ARHGAP6: variants seen among roughly 807,000 people sequenced by gnomAD.
ARHGAP6 encodes the protein rho GTPase-activating protein 6.
In ARHGAP6, 16 loss-of-function variants were observed where a neutral mutation model predicts 55.7. The ratio of observed to expected loss-of-function variants is 0.29; its 90% confidence interval spans 0.19 to 0.44. ARHGAP6 has a LOEUF of 0.44. ARHGAP6 is among the 20% of genes least tolerant of loss of function. The probability of loss-of-function intolerance (pLI) is 1.00; values close to 1 mark genes in which losing one functional copy is unlikely to be tolerated. For synonymous variants in ARHGAP6, 382 were observed against 360.9 expected, an observed-to-expected ratio of 1.06 and a Z score of -0.66; for missense variants, 698 against 808.9, an observed-to-expected ratio of 0.86 and a Z score of 1.66.
intron 1 of ARHGAP6, among the ~76,000 whole-genome samples, chrX:11,548,004 C>T (rs1029771738): frequency 6.3e-5 from 7 of 110,583 alleles, no homozygotes; most frequent in African/African-American, 2.3e-4. Context: ...CCACTCTGGG[C>T]TGCATGCTAG....
At chrX:11,408,253 C>T (rs1023074794) in intron 1 of ARHGAP6, among the ~76,000 whole-genome samples, 2 of 110,674 alleles carry the variant, frequency 1.8e-5, no homozygotes, top group South Asian at 3.8e-4. Context: ...GAGGGGGAAG[C>T]GGAATGGAAG....
chrX:11,621,147 TGAGA>T (rs1204351328), intron 1 of ARHGAP6, among the ~76,000 whole-genome samples: 11 of 110,466 alleles, frequency 1.0e-4, no homozygotes, highest in Admixed American at 7.8e-4. Context: ...AGAAAGTGGG[TGAGA>T]GAGAGAGAAC....
intron 1 of ARHGAP6, among the ~76,000 whole-genome samples, chrX:11,349,817 T>A (rs2048836549): frequency 8.9e-6 from 1 of 111,874 alleles, no homozygotes; most frequent in Non-Finnish European, 1.9e-5. Flanking sequence ...GCTTCTTGTA[T>A]TTCTACTTAG....
intron 9 of ARHGAP6, among the ~76,000 whole-genome samples, chrX:11,167,234 T>G (rs955659236): frequency 9.0e-6 from 1 of 111,666 alleles, no homozygotes; most frequent in Non-Finnish European, 1.9e-5. Flanking sequence ...TAGTTTACAT[T>G]TCTAGGGAGT....
At position 11,230,806 on chromosome X, in the gene ARHGAP6, A is replaced by T. The variant is rs776224948; in HGVS notation, c.748+23742T>A. The stretch of plus-strand genomic sequence containing the variant: ...TGTTTTTTAGAATTGTTTTTAGTTC[A>T]CAACAAATTGATCTGAAGGTCTAGA... On this transcript the variant is annotated intron_variant, in intron 2 of 12. Transcript: ENST00000337414. Among the ~76,000 whole-genome samples the T allele has an allele frequency of 1.4e-4, 16 of 111,081 alleles. No individual in the cohort carries two copies. In the East Asian group the frequency reaches 4.2e-3, roughly 29 times the overall value.
intron 1 of ARHGAP6, among the ~76,000 whole-genome samples, chrX:11,603,008 T>C (rs1021386902): frequency 8.9e-6 from 1 of 112,098 alleles, no homozygotes. Flanking sequence ...CACCTGACTT[T>C]ATTCTTAAGT....
intron 1 of ARHGAP6, among the ~76,000 whole-genome samples, chrX:11,562,365 T>C (rs1225373287): frequency 8.9e-6 from 1 of 111,924 alleles, no homozygotes; most frequent in African/African-American, 3.2e-5. Context: ...GTAATGGAAA[T>C]GGCATGCTCA....
chrX:11,633,191 C>A (rs2052379391), intron 1 of ARHGAP6, among the ~76,000 whole-genome samples: 2 of 112,267 alleles, frequency 1.8e-5, no homozygotes, highest in African/African-American at 6.5e-5. Flanking sequence ...GTGGAGAATA[C>A]AACCTAAAAC....
At chrX:11,244,343 A>G (rs1296786952) in intron 2 of ARHGAP6, among the ~76,000 whole-genome samples, 3 of 111,875 alleles carry the variant, frequency 2.7e-5, no homozygotes, top group Non-Finnish European at 3.8e-5. Context: ...AGAAATGGAC[A>G]TGGCTGGGTT....
intron 1 of ARHGAP6, among the ~76,000 whole-genome samples, chrX:11,654,246 A>C (rs4344257): frequency 0.13 from 14,042 of 111,325 alleles, 793 homozygotes; most frequent in Middle Eastern, 0.23. Flanking sequence ...CAAACCCCTG[A>C]GAGATGAAGT....
At chrX:11,587,918 G>A (rs1047122924) in intron 1 of ARHGAP6, among the ~76,000 whole-genome samples, 1 of 112,542 alleles carries the variant, frequency 8.9e-6, no homozygotes, top group African/African-American at 3.2e-5. Flanking sequence ...TAAATTCTTA[G>A]AGTATGATGG....
At chrX:11,319,174 C>A (rs1251598135) in intron 1 of ARHGAP6, among the ~76,000 whole-genome samples, 1 of 109,394 alleles carries the variant, frequency 9.1e-6, no homozygotes, top group African/African-American at 3.5e-5. Context: ...CTATATATCT[C>A]TCTCTCAAAA....
intron 2 of ARHGAP6, among the ~76,000 whole-genome samples, chrX:11,217,827 A>G (rs1222391703): frequency 8.9e-6 from 1 of 111,817 alleles, no homozygotes; most frequent in Non-Finnish European, 1.9e-5. Flanking sequence ...GTTTTCTTCT[A>G]GGGTTTTTAA....
intron 1 of ARHGAP6, among the ~76,000 whole-genome samples, chrX:11,601,299 C>A (rs2051968403): frequency 9.0e-6 from 1 of 111,224 alleles, no homozygotes; most frequent in African/African-American, 3.3e-5. Flanking sequence ...GGCTGGTGAA[C>A]TGATCCAAAA....
intron 1 of ARHGAP6, among the ~76,000 whole-genome samples, chrX:11,601,146 C>T (rs769457868): frequency 3.2e-4 from 36 of 111,544 alleles, no homozygotes; most frequent in African/African-American, 1.1e-3. Context: ...AAAGAGGGTA[C>T]CAGCAAGCAG....
intron 1 of ARHGAP6, among the ~76,000 whole-genome samples, chrX:11,400,761 T>C (rs1184693356): frequency 8.9e-6 from 1 of 112,245 alleles, no homozygotes; most frequent in African/African-American, 3.2e-5. Context: ...GCATGAACTA[T>C]CACTGTATGA....
intron 1 of ARHGAP6, among the ~76,000 whole-genome samples, chrX:11,641,547 G>A (rs2052474887): frequency 9.0e-6 from 1 of 111,411 alleles, no homozygotes; most frequent in South Asian, 3.7e-4. Context: ...TAACAGCTCG[G>A]TCAAGTTAGC....
intron 1 of ARHGAP6, among the ~76,000 whole-genome samples, chrX:11,256,590 A>C (rs909357680): frequency 9.0e-6 from 1 of 111,468 alleles, no homozygotes; most frequent in Non-Finnish European, 1.9e-5. Context: ...TTAATACATG[A>C]ATATATTATA....
intron 2 of ARHGAP6, among the ~76,000 whole-genome samples, chrX:11,210,424 TG>T (rs1048388094): frequency 2.7e-5 from 3 of 112,620 alleles, no homozygotes; most frequent in African/African-American, 6.5e-5. Context: ...AATAGTAGCA[TG>T]GTACATAAAT....
Sources: allele counts gnomAD v4.1 joint callset (sites outside exome capture counted in the v4.1 genomes callset), GRCh38; gene constraint gnomAD v4.1.1; transcripts MANE v1.5; gene names NCBI Gene and HGNC (gene_info 2026-07-23, HGNC 2026-07-21).